Variants in KCNK9 observed in about 807,000 individuals in gnomAD.
KCNK9 encodes potassium channel subfamily K member 9.
In KCNK9, 1 loss-of-function variant was observed where a neutral mutation model predicts 10.8. The ratio of observed to expected loss-of-function variants is 0.09; its 90% CI spans 0.03 to 0.44. The LOEUF (loss-of-function observed/expected upper bound fraction) is 0.44, where lower values mean the gene tolerates loss of function less well. KCNK9 is among the 20% of genes least tolerant of loss of function. The pLI is 0.97. For missense variants in KCNK9, 303 were observed against 515.0 expected (o/e 0.59, Z 3.98); for synonymous variants, 231 against 222.7 (o/e 1.04, Z -0.33).
rs575896543 is a variant in KCNK9, at chr8:139,683,712, T to A, written c.283+18998A>T. ...TGTCACAGGAGGTATGTGAGCAGAG[T>A]GTGAAGGGCCACTGAACAGGCCACC... On this transcript the variant is annotated intron_variant, in intron 1 of 1. Transcript: ENST00000520439. Among the ~76,000 whole-genome samples, 4 of 152,082 alleles carry A rather than the reference T, an allele frequency of 2.6e-5. No individual in the cohort carries two copies. In the East Asian group the frequency reaches 7.7e-4, roughly 29 times the overall value.
chr8:139,667,552 C>T (rs1457017439), intron 1 of KCNK9, among the ~76,000 whole-genome samples: 2 of 151,146 alleles, frequency 1.3e-5, no homozygotes, highest in African/African-American at 4.9e-5. Context: ...AAAAATTAGC[C>T]GGGCATGGTG....
At chr8:139,644,420 TG>T (rs1253362665) in intron 1 of KCNK9, among the ~76,000 whole-genome samples, 1 of 152,356 alleles carries the variant, frequency 6.6e-6, no homozygotes, top group Admixed American at 6.5e-5. Context: ...CTTGATTTCA[TG>T]ACCCATTAAT....
intron 1 of KCNK9, among the ~76,000 whole-genome samples, chr8:139,627,752 C>T (rs1000361165): frequency 6.6e-6 from 1 of 152,362 alleles, no homozygotes; most frequent in African/African-American, 2.4e-5. Context: ...ACAGTTTTGT[C>T]AACAAAGCAC....
At chr8:139,670,105 T>C (rs1263824752) in intron 1 of KCNK9, among the ~76,000 whole-genome samples, 1 of 152,228 alleles carries the variant, frequency 6.6e-6, no homozygotes, top group African/African-American at 2.4e-5. Context: ...GGCTTTGTTG[T>C]ACCACTTGTA....
intron 1 of KCNK9, among the ~76,000 whole-genome samples, chr8:139,696,649 G>C (rs919602059): frequency 3.3e-5 from 5 of 152,212 alleles, no homozygotes; most frequent in Non-Finnish European, 7.3e-5. Context: ...GGGAAGGAGG[G>C]AGGGAAGAAG....
intron 1 of KCNK9, among the ~76,000 whole-genome samples, chr8:139,642,171 AC>A (rs2129647719): frequency 6.6e-6 from 1 of 152,330 alleles, no homozygotes; most frequent in Non-Finnish European, 1.5e-5. Flanking sequence ...CATGTGTGAC[AC>A]AGGGGCAGCG....
chr8:139,619,859 A>G (rs558909189), intron 1 of KCNK9, among the ~76,000 whole-genome samples: 2 of 152,346 alleles, frequency 1.3e-5, no homozygotes, highest in East Asian at 3.9e-4. Context: ...GTATTCCCCC[A>G]TACCTAGAAA....
intron 1 of KCNK9, among the ~76,000 whole-genome samples, chr8:139,692,405 C>T (rs1255890603): frequency 3.3e-5 from 5 of 152,210 alleles, no homozygotes; most frequent in African/African-American, 9.7e-5. Flanking sequence ...TCAGGAGAGT[C>T]GTAGGGAATT....
chr8:139,646,090 G>T (rs1024362845), intron 1 of KCNK9, among the ~76,000 whole-genome samples: 1 of 152,116 alleles, frequency 6.6e-6, no homozygotes, highest in South Asian at 2.1e-4. Flanking sequence ...TTCCCAGAAG[G>T]CTCCTTGCCC....
At chr8:139,634,152 C>G (rs1212603038) in intron 1 of KCNK9, among the ~76,000 whole-genome samples, 1 of 152,252 alleles carries the variant, frequency 6.6e-6, no homozygotes, top group African/African-American at 2.4e-5. Context: ...GGAGCCCCTA[C>G]TACTTGGTTT....
chr8:139,677,234 G>C (rs917105380), intron 1 of KCNK9, among the ~76,000 whole-genome samples: 1 of 152,136 alleles, frequency 6.6e-6, no homozygotes, highest in Non-Finnish European at 1.5e-5. Context: ...CCTGTGCTGG[G>C]TGTTAGATGC....
chr8:139,677,721 C>T (rs1296495721), intron 1 of KCNK9, among the ~76,000 whole-genome samples: 3 of 146,330 alleles, frequency 2.1e-5, no homozygotes, highest in Non-Finnish European at 4.4e-5. Context: ...CCTCACATCC[C>T]AGCCCAACGG....
chr8:139,637,364 A>G (rs76437873), intron 1 of KCNK9, among the ~76,000 whole-genome samples: 2,080 of 152,372 alleles, frequency 0.014, 47 homozygotes, highest in African/African-American at 0.048. Flanking sequence ...CAAAGCACTA[A>G]AAGAACCATG....
At chr8:139,669,526 G>T (rs942589207) in intron 1 of KCNK9, among the ~76,000 whole-genome samples, 5 of 152,194 alleles carry the variant, frequency 3.3e-5, no homozygotes, top group African/African-American at 7.2e-5. Flanking sequence ...TCATCCATAA[G>T]AAGGAACTCC....
At chr8:139,694,868 T>TTCCA (rs1178688159) in intron 1 of KCNK9, among the ~76,000 whole-genome samples, 3 of 152,160 alleles carry the variant, frequency 2.0e-5, no homozygotes, top group African/African-American at 7.2e-5. Context: ...GGCCAGGCTC[T>TTCCA]TCCATCACTC....
At chr8:139,664,122 A>T (rs555131064) in intron 1 of KCNK9, among the ~76,000 whole-genome samples, 1 of 152,338 alleles carries the variant, frequency 6.6e-6, no homozygotes, top group Non-Finnish European at 1.5e-5. Context: ...ATTTGAACCC[A>T]GACAGGACAG....
At chr8:139,623,586 T>C (rs866803347) in intron 1 of KCNK9, among the ~76,000 whole-genome samples, 27 of 152,154 alleles carry the variant, frequency 1.8e-4, no homozygotes, top group Middle Eastern at 3.4e-3. Flanking sequence ...ACCTGTGAGC[T>C]CAGGAACCAC....
At chr8:139,632,043 G>A (rs1055205675) in intron 1 of KCNK9, among the ~76,000 whole-genome samples, 7 of 152,204 alleles carry the variant, frequency 4.6e-5, no homozygotes, top group African/African-American at 7.2e-5. Context: ...CATAAAACCC[G>A]ATGCCTCTTG....
downstream of KCNK9, chr8:139,611,664 GTACCGGCCTTATGAGAAA>G (rs1483866393): frequency 6.6e-6 from 1 of 152,260 alleles, no homozygotes; most frequent in Non-Finnish European, 1.5e-5. Context: ...TGCCATCCCT[GTACCGGCCTTATGAGAAA>G]TACCTGGCGT....
Sources: gnomAD v4.1 joint callset for allele counts (sites outside exome capture counted in the v4.1 genomes callset) on GRCh38, gnomAD v4.1.1 for gene constraint, MANE v1.5 for transcripts, NCBI Gene and HGNC (gene_info 2026-07-23, HGNC 2026-07-21) for gene names.